The following WWC1 variants were observed in gnomAD, a reference collection of about 807,000 sequenced individuals.
WWC1 encodes WW and C2 domain containing 1, also known as protein KIBRA.
In WWC1, 55 loss-of-function variants were observed where a neutral mutation model predicts 138.4. The observed-to-expected ratio is 0.40, with a 90% CI of 0.32 to 0.50. The LOEUF (loss-of-function observed/expected upper bound fraction) is 0.50, where lower values mean the gene tolerates loss of function less well. WWC1 is among the 20% of genes least tolerant of loss of function. The pLI is 0.72. For missense variants in WWC1, 1,226 were observed against 1,420.4 expected, an observed-to-expected ratio of 0.86 and a Z score of 2.20; for synonymous variants, 524 against 564.9, an observed-to-expected ratio of 0.93 and a Z score of 1.03.
intron 1 of WWC1, among the ~76,000 whole-genome samples, chr5:168,369,214 C>G (rs1301686949): frequency 1.3e-5 from 2 of 152,210 alleles, no homozygotes; most frequent in South Asian, 2.1e-4. Context: ...CCCATTCACA[C>G]TAGCACCTGT....
intron 1 of WWC1, among the ~76,000 whole-genome samples, chr5:168,325,493 G>T (rs1409621624): frequency 1.3e-4 from 20 of 152,140 alleles, no homozygotes; most frequent in Admixed American, 1.3e-3. Context: ...TGGGGCAGTG[G>T]GGAGGGGAAT....
At chr5:168,453,547 T>A (rs1424890232) in intron 17 of WWC1, among the ~76,000 whole-genome samples, 1 of 149,848 alleles carries the variant, frequency 6.7e-6, no homozygotes, top group East Asian at 2.0e-4. Context: ...TCATTAACAA[T>A]CTTTTTTTTT....
At chr5:168,449,483 C>A (rs1755596387) in intron 17 of WWC1, among the ~76,000 whole-genome samples, 2 of 151,990 alleles carry the variant, frequency 1.3e-5, no homozygotes, top group Admixed American at 1.3e-4. Context: ...TTATTGAGCC[C>A]TCAATAAATA....
At chr5:168,406,455 G>T in intron 6 of WWC1, 128 bp downstream of exon 6, 1 of 1,397,592 alleles carries the variant, frequency 7.2e-7, no homozygotes, top group Non-Finnish European at 9.7e-7. Flanking sequence ...TCTTCCTGGG[G>T]TTTTGGTTCC....
At chr5:168,330,364 G>A (rs1283131805) in intron 1 of WWC1, among the ~76,000 whole-genome samples, 1 of 152,184 alleles carries the variant, frequency 6.6e-6, no homozygotes, top group East Asian at 1.9e-4. Context: ...ATGGAGGGAA[G>A]CTACTCATGA....
chr5:168,371,614 G>T lies in WWC1; in HGVS notation c.229+81G>T, dbSNP rs376541582. The T allele has an allele frequency of 3.0e-6, 3 of 998,260 alleles. No homozygotes were observed. In the South Asian group the frequency reaches 4.5e-5, roughly 15 times the overall value. 61.8% of individuals were successfully genotyped at this position (998,260 alleles called of 1,614,324 possible). Reference sequence around the variant, plus strand: ...GCCCATCCTCCCTCCAAGTCTGGAAGAACCACTTGCAGACTCTTGGAGCCA... The same window carrying T: ...GCCCATCCTCCCTCCAAGTCTGGAATAACCACTTGCAGACTCTTGGAGCCA... On this transcript the variant is annotated intron_variant, in intron 2 of 22. Coordinates refer to ENST00000265293, the MANE Select transcript of WWC1 (RefSeq NM_015238.3).
At chr5:168,426,866 G>T (rs140427070) in intron 11 of WWC1, among the ~76,000 whole-genome samples, 1 of 152,236 alleles carries the variant, frequency 6.6e-6, no homozygotes, top group African/African-American at 2.4e-5. Flanking sequence ...GGCCTTCCCC[G>T]CTGCAAGGAG....
chr5:168,468,113 T>C, intron 22 of WWC1, 149 bp downstream of exon 22: 1 of 1,298,894 alleles, frequency 7.7e-7, no homozygotes, highest in South Asian at 1.5e-5. Flanking sequence ...AAGCCATCCC[T>C]GGCGATCCAT....
intron 5 of WWC1, among the ~76,000 whole-genome samples, chr5:168,401,091 G>GA (rs1379912511): frequency 2.0e-5 from 3 of 151,180 alleles, no homozygotes; most frequent in African/African-American, 7.3e-5. Flanking sequence ...ACCCTGTCTC[G>GA]AAAAAAAGGA....
At chr5:168,393,497 A>G (rs1639804956) in intron 3 of WWC1, among the ~76,000 whole-genome samples, 1 of 152,212 alleles carries the variant, frequency 6.6e-6, no homozygotes, top group Non-Finnish European at 1.5e-5. Context: ...ATTATTTCTG[A>G]CCTAGAATTC....
chr5:168,455,092 AGTTT>A (rs1340983594), intron 18 of WWC1, among the ~76,000 whole-genome samples: 3 of 152,016 alleles, frequency 2.0e-5, no homozygotes, highest in Admixed American at 6.6e-5. Flanking sequence ...TGCCCATGTG[AGTTT>A]GTTTGGGGGC....
intron 1 of WWC1, among the ~76,000 whole-genome samples, chr5:168,350,006 C>T (rs1162320106): frequency 6.6e-6 from 1 of 152,206 alleles, no homozygotes; most frequent in Non-Finnish European, 1.5e-5. Context: ...CTTCACCTCC[C>T]AGCTCCAGGT....
At position 168,472,260 on chromosome 5, in the gene WWC1, T is replaced by A. The variant is rs1208467081; in HGVS notation, c.*3243T>A. The A allele has an allele frequency of 6.6e-6, 1 of 152,256 alleles. No homozygotes were observed. The highest frequency in any genetic ancestry group is 1.5e-5 in the Non-Finnish European group (1 of 68,052). 9.4% of individuals were successfully genotyped at this position (152,256 alleles called of 1,614,324 possible). On this transcript the variant is annotated 3_prime_UTR_variant, in exon 23 of 23. Coordinates refer to ENST00000265293, the MANE Select transcript of WWC1 (RefSeq NM_015238.3). ...GCAAACCACCAATACATTCCATTGT[T>A]TGCCTAGAGAGAAATTTAAAAATAA... is the stretch of plus-strand genomic sequence containing the variant.
intron 9 of WWC1, among the ~76,000 whole-genome samples, chr5:168,417,714 T>C (rs1780766904): frequency 6.6e-6 from 1 of 152,312 alleles, no homozygotes; most frequent in African/African-American, 2.4e-5. Context: ...TCCACTCCTC[T>C]GCAGCTGCTG....
intron 1 of WWC1, among the ~76,000 whole-genome samples, chr5:168,298,886 C>T (rs1769803495): frequency 6.6e-6 from 1 of 152,082 alleles, no homozygotes; most frequent in African/African-American, 2.4e-5. Context: ...GAGTTCAAGA[C>T]CAGCCTGGCC....
intron 1 of WWC1, among the ~76,000 whole-genome samples, chr5:168,298,506 T>C (rs1170527323): frequency 6.6e-6 from 1 of 152,148 alleles, no homozygotes; most frequent in Non-Finnish European, 1.5e-5. Context: ...TTCTGAGGCT[T>C]GAGTTTAAGA....
At chr5:168,437,954 G>A (rs1754389481) in intron 15 of WWC1, among the ~76,000 whole-genome samples, 1 of 152,142 alleles carries the variant, frequency 6.6e-6, no homozygotes, top group African/African-American at 2.4e-5. Flanking sequence ...AGGGCTTAGG[G>A]AGTTTTTACT....
At position 168,414,404 on chromosome 5, in the gene WWC1, T is replaced by C. The variant is rs771124685; in HGVS notation, c.998T>C (p.Val333Ala). ...CTTGACAGTGAGGCCTGGCCTGGGGTGCTGGACTCAGAGAGGGACCGGCTG... is the reference window on the plus strand; with the variant it reads ...CTTGACAGTGAGGCCTGGCCTGGGGCGCTGGACTCAGAGAGGGACCGGCTG... ...AKLDSEAWPGVLDSERDRLIL... is the reference protein window; with the variant it reads ...AKLDSEAWPGALDSERDRLIL... The change falls in exon 9 of 23, where the codon GTG becomes GCG. Residue 333 changes from valine to alanine, a missense_variant. Coordinates refer to ENST00000265293, the MANE Select transcript of WWC1 (RefSeq NM_015238.3). 4 of 1,607,098 alleles carry C rather than the reference T, an allele frequency of 2.5e-6. No individual in the cohort carries two copies. The highest frequency in any genetic ancestry group is 3.4e-6 in the Non-Finnish European group (4 of 1,176,778).
chr5:168,381,940 G>A (rs1777666566), intron 2 of WWC1, among the ~76,000 whole-genome samples: 1 of 151,736 alleles, frequency 6.6e-6, no homozygotes, highest in African/African-American at 2.4e-5. Context: ...AGGTAATTTG[G>A]TAATATCTAT....
Sources: gnomAD v4.1 joint callset for allele counts (sites outside exome capture counted in the v4.1 genomes callset) on GRCh38, gnomAD v4.1.1 for gene constraint, MANE v1.5 for transcripts, NCBI Gene and HGNC (gene_info 2026-07-23, HGNC 2026-07-21) for gene names.